The following NR3C2 variants were observed in gnomAD, a reference collection of about 807,000 sequenced individuals.
The protein encoded by NR3C2 is nuclear receptor subfamily 3 group C member 2, also known as mineralocorticoid receptor.
Under a neutral mutation model 86.4 loss-of-function variants are expected in NR3C2, and 15 were observed. That is an observed-to-expected ratio of 0.17 (90% confidence interval 0.12 to 0.27). The LOEUF is 0.27. Ranked by LOEUF, NR3C2 falls within the 10% of genes least tolerant of loss-of-function variation. The pLI, the probability that NR3C2 is intolerant of heterozygous loss-of-function variation, is 1.00. For missense variants in NR3C2, 960 were observed against 1,195.6 expected (o/e 0.80, Z 2.91); for synonymous variants, 458 against 450.5 (o/e 1.02, Z -0.21).
chr4:148,321,989 T>G (rs967165841), intron 2 of NR3C2, among the ~76,000 whole-genome samples: 8 of 152,362 alleles, frequency 5.3e-5, no homozygotes, highest in Admixed American at 3.9e-4. Context: ...GTCTTTACAT[T>G]TTGGCATGAT....
At chr4:148,349,502 T>C (rs993420015) in intron 2 of NR3C2, among the ~76,000 whole-genome samples, 8 of 152,260 alleles carry the variant, frequency 5.3e-5, no homozygotes, top group Middle Eastern at 3.4e-3. Flanking sequence ...GAAGGACTTA[T>C]AACCTTCTGC....
chr4:148,352,086 G>T (rs1478483849), intron 2 of NR3C2, among the ~76,000 whole-genome samples: 1 of 152,156 alleles, frequency 6.6e-6, no homozygotes, highest in Non-Finnish European at 1.5e-5. Flanking sequence ...GGCTGATAGA[G>T]AAATCAGATC....
intron 6 of NR3C2, among the ~76,000 whole-genome samples, chr4:148,122,394 T>C (rs1273281146): frequency 6.6e-6 from 1 of 152,246 alleles, no homozygotes; most frequent in Non-Finnish European, 1.5e-5. Flanking sequence ...TTTCTTTTGA[T>C]CCCTTTGTTT....
intron 2 of NR3C2, among the ~76,000 whole-genome samples, chr4:148,425,010 A>G (rs1287375423): frequency 6.6e-6 from 1 of 152,234 alleles, no homozygotes; most frequent in Non-Finnish European, 1.5e-5. Context: ...GATGAGAAAA[A>G]GGAAGAACAG....
intron 2 of NR3C2, among the ~76,000 whole-genome samples, chr4:148,272,109 C>T (rs146038671): frequency 1.3e-5 from 2 of 152,070 alleles, no homozygotes; most frequent in African/African-American, 4.8e-5. Flanking sequence ...TATCAACTAA[C>T]CAAACACACA....
At chr4:148,244,198 C>T (rs968394359) in intron 3 of NR3C2, among the ~76,000 whole-genome samples, 8 of 152,120 alleles carry the variant, frequency 5.3e-5, no homozygotes, top group Non-Finnish European at 1.2e-4. Context: ...AAACAGTGCG[C>T]CCTTTATCTT....
chr4:148,390,191 A>G (rs1175297742), intron 2 of NR3C2, among the ~76,000 whole-genome samples: 1 of 151,876 alleles, frequency 6.6e-6, no homozygotes, highest in African/African-American at 2.4e-5. Context: ...CCTTAAAAAA[A>G]AAAAAAGTCT....
chr4:148,317,876 TTC>T (rs1176915097), intron 2 of NR3C2, among the ~76,000 whole-genome samples: 2 of 142,612 alleles, frequency 1.4e-5, no homozygotes, highest in African/African-American at 5.0e-5. Context: ...TGTTTTCTTT[TTC>T]TTTTTTTTTA....
At chr4:148,334,455 A>G (rs1744383622) in intron 2 of NR3C2, among the ~76,000 whole-genome samples, 1 of 152,180 alleles carries the variant, frequency 6.6e-6, no homozygotes, top group South Asian at 2.1e-4. Context: ...AGGCAGGATA[A>G]ATGCTTGAAC....
At chr4:148,099,903 T>A (rs569484809) in intron 8 of NR3C2, among the ~76,000 whole-genome samples, 1 of 152,346 alleles carries the variant, frequency 6.6e-6, no homozygotes, top group Non-Finnish European at 1.5e-5. Context: ...TTTTTGTTTT[T>A]TCCAGAAAGA....
chr4:148,218,593 A>G (rs1007249957), intron 3 of NR3C2, among the ~76,000 whole-genome samples: 2 of 152,092 alleles, frequency 1.3e-5, no homozygotes, highest in Non-Finnish European at 2.9e-5. Context: ...CAATTTACAG[A>G]GCTTCATAAC....
intron 2 of NR3C2, among the ~76,000 whole-genome samples, chr4:148,353,597 AG>A (rs1180441760): frequency 6.6e-6 from 1 of 152,214 alleles, no homozygotes; most frequent in Non-Finnish European, 1.5e-5. Context: ...GAGGAGTGAA[AG>A]CAAAAATTGG....
chr4:148,236,276 C>T (rs1738746183), intron 3 of NR3C2, among the ~76,000 whole-genome samples: 1 of 152,186 alleles, frequency 6.6e-6, no homozygotes, highest in Admixed American at 6.6e-5. Flanking sequence ...CTAACAATGG[C>T]TTCTGGTATG....
chr4:148,338,179 C>T (rs1369079448), intron 2 of NR3C2, among the ~76,000 whole-genome samples: 1 of 152,058 alleles, frequency 6.6e-6, no homozygotes. Flanking sequence ...GGAAAGCATC[C>T]CTTCATTACA....
chr4:148,351,071 CACTTAAATAGTGT>C (rs1745249009), intron 2 of NR3C2, among the ~76,000 whole-genome samples: 2 of 118,934 alleles, frequency 1.7e-5, no homozygotes, highest in Admixed American at 8.5e-5. Flanking sequence ...CAATTTTTAA[CACTTAAATAGTGT>C]TGCATATGCA....
intron 2 of NR3C2, among the ~76,000 whole-genome samples, chr4:148,419,756 CT>C (rs1749187978): frequency 6.6e-6 from 1 of 152,152 alleles, no homozygotes; most frequent in South Asian, 2.1e-4. Flanking sequence ...CTATCAGATC[CT>C]TCCTCCCAAA....
intron 2 of NR3C2, among the ~76,000 whole-genome samples, chr4:148,418,651 C>T (rs61758340): frequency 1.3e-5 from 2 of 152,146 alleles, no homozygotes; most frequent in African/African-American, 2.4e-5. Context: ...TCCTATTCCT[C>T]TATTTCAATT....
chr4:148,138,809 G>A (rs1382457615), intron 6 of NR3C2, among the ~76,000 whole-genome samples: 1 of 152,210 alleles, frequency 6.6e-6, no homozygotes, highest in African/African-American at 2.4e-5. Flanking sequence ...TTGAGAGGTG[G>A]AGCCTAATAA....
At chr4:148,365,499 G>A (rs1351727312) in intron 2 of NR3C2, among the ~76,000 whole-genome samples, 5 of 151,996 alleles carry the variant, frequency 3.3e-5, no homozygotes, top group East Asian at 1.9e-4. Context: ...TAAAGTCTAC[G>A]TAACCCTTAT....
Sources: gnomAD v4.1 joint callset for allele counts (sites outside exome capture counted in the v4.1 genomes callset) on GRCh38, gnomAD v4.1.1 for gene constraint, MANE v1.5 for transcripts, NCBI Gene and HGNC (gene_info 2026-07-23, HGNC 2026-07-21) for gene names.